The following CDH18 variants were observed in gnomAD, a reference collection of about 807,000 sequenced individuals.
CDH18 encodes the protein cadherin-18.
In CDH18, 31 loss-of-function variants were observed where a neutral mutation model predicts 67.9. The ratio of observed to expected loss-of-function variants is 0.46; its 90% CI spans 0.34 to 0.62. The LOEUF (loss-of-function observed/expected upper bound fraction) is 0.62, where lower values mean the gene tolerates loss of function less well. CDH18 is among the 20% of genes least tolerant of loss of function. The probability of loss-of-function intolerance (pLI) is 0.01; values close to 1 mark genes in which losing one functional copy is unlikely to be tolerated. For synonymous variants in CDH18, 362 were observed against 347.2 expected, an observed-to-expected ratio of 1.04 and a Z score of -0.48; for missense variants, 890 against 975.5, an observed-to-expected ratio of 0.91 and a Z score of 1.17.
chr5:20,412,501 A>C (rs1265890412), intron 1 of CDH18, among the ~76,000 whole-genome samples: 1 of 152,274 alleles, frequency 6.6e-6, no homozygotes, highest in African/African-American at 2.4e-5. Context: ...AAATTTGACA[A>C]ACAGGACTTA....
At chr5:19,473,824 CAG>C in intron 12 of CDH18, 108 bp from the exon 13 acceptor site, 1 of 912,522 alleles carries the variant, frequency 1.1e-6, no homozygotes, top group Non-Finnish European at 1.7e-6. Flanking sequence ...AACCACATTC[CAG>C]AGTTAGGCTG....
rs1159275923 is a variant in CDH18 at position 19,472,971 on chromosome 5, A to C, written c.*255T>G. 1 of 402,484 alleles carries C rather than the reference A, an allele frequency of 2.5e-6. No homozygotes were observed. Among genetic ancestry groups the C allele is most frequent in the African/African-American group, 2.0e-5 (1 of 49,818 alleles). The allele number at this position is 402,484 out of a possible 1,614,324, so 24.9% of individuals were successfully genotyped here. A position where few individuals can be genotyped will look rare whatever the true frequency, so the allele number is the denominator to read the frequency against. On this transcript the variant is annotated 3_prime_UTR_variant, in exon 13 of 13. Transcript: ENST00000382275. ...AGGTATTCTTAATAAACAGTACCAC[A>C]GACTTTATTGAGCAATTGAAAATAT...
At chr5:19,779,217 AT>A (rs1331289391) in intron 3 of CDH18, among the ~76,000 whole-genome samples, 16 of 152,178 alleles carry the variant, frequency 1.1e-4, no homozygotes, top group Non-Finnish European at 2.2e-4. Context: ...CACATTAAGG[AT>A]TCTACAATGT....
Position 19,994,710 on chromosome 5 carries a change from T to C in CDH18, c.-517-2696A>G, listed in dbSNP as rs541168237. Among the ~76,000 whole-genome samples the C allele has an allele frequency of 2.5e-3, 30 of 12,042 alleles. 2 individuals are homozygous for C. The highest frequency in any genetic ancestry group is 9.6e-3 in the African/African-American group (28 of 2,930). 7.9% of individuals were successfully genotyped at this position (12,042 alleles called of 152,430 possible). A position where few individuals can be genotyped will look rare whatever the true frequency, so the allele number is the denominator to read the frequency against. On this transcript the variant is annotated intron_variant, in intron 2 of 14. Coordinates refer to the CDH18 transcript ENST00000507958. ...ATGCTAACCTCTTCCAGTATATATA[T>C]ATATATATATATATATATATATATA...
chr5:20,019,326 T>A (rs1220135307), intron 2 of CDH18, among the ~76,000 whole-genome samples: 1 of 152,236 alleles, frequency 6.6e-6, no homozygotes, highest in East Asian at 1.9e-4. Flanking sequence ...GAGATCTGCA[T>A]ACTTTTTACG....
At chr5:19,777,425 A>G (rs1774523989) in intron 3 of CDH18, among the ~76,000 whole-genome samples, 2 of 152,234 alleles carry the variant, frequency 1.3e-5, no homozygotes, top group South Asian at 4.1e-4. Flanking sequence ...TGGGTAGGTT[A>G]GCAATTATAC....
intron 5 of CDH18, among the ~76,000 whole-genome samples, chr5:19,618,677 G>A (rs772050372): frequency 5.3e-5 from 8 of 151,980 alleles, no homozygotes; most frequent in Non-Finnish European, 1.5e-5. Flanking sequence ...TCACATCTTC[G>A]ACCTACTGAA....
chr5:19,657,939 C>T (rs1756625158), intron 5 of CDH18, among the ~76,000 whole-genome samples: 1 of 152,094 alleles, frequency 6.6e-6, no homozygotes, highest in Non-Finnish European at 1.5e-5. Context: ...CTTCAATGGA[C>T]AACTCTTAGT....
intron 2 of CDH18, among the ~76,000 whole-genome samples, chr5:20,176,316 A>G (rs545733246): frequency 6.6e-6 from 1 of 152,286 alleles, no homozygotes; most frequent in African/African-American, 2.4e-5. Flanking sequence ...AAAATAGTTC[A>G]TATTTCTGAT....
intron 1 of CDH18, among the ~76,000 whole-genome samples, chr5:20,545,308 TC>T (rs1201286170): frequency 3.9e-5 from 6 of 152,196 alleles, no homozygotes; most frequent in African/African-American, 1.4e-4. Context: ...ATGGTGGGCC[TC>T]TTCTCACAGT....
At chr5:19,761,867 C>G (rs1026827447) in intron 3 of CDH18, among the ~76,000 whole-genome samples, 1 of 152,174 alleles carries the variant, frequency 6.6e-6, no homozygotes, top group African/African-American at 2.4e-5. Context: ...GTAACCAAAA[C>G]AGCATGGTAC....
intron 2 of CDH18, among the ~76,000 whole-genome samples, chr5:20,187,498 A>G (rs1738192219): frequency 6.6e-6 from 1 of 151,828 alleles, no homozygotes; most frequent in Non-Finnish European, 1.5e-5. Flanking sequence ...CTGGGCTCCA[A>G]ATTTTACAAT....
chr5:19,694,330 T>C (rs536634546), intron 5 of CDH18, among the ~76,000 whole-genome samples: 3 of 152,154 alleles, frequency 2.0e-5, no homozygotes. Context: ...TCAAAATTTC[T>C]ATTAAGGGAC....
At chr5:20,219,951 A>G (rs1741092095) in intron 2 of CDH18, among the ~76,000 whole-genome samples, 1 of 151,972 alleles carries the variant, frequency 6.6e-6, no homozygotes, top group Non-Finnish European at 1.5e-5. Context: ...GAAAACTATA[A>G]AACATTAATG....
chr5:20,209,307 G>T (rs1310852768), intron 2 of CDH18, among the ~76,000 whole-genome samples: 1 of 152,070 alleles, frequency 6.6e-6, no homozygotes, highest in East Asian at 1.9e-4. Context: ...GAACTCTCAT[G>T]CTTATTGCAG....
intron 2 of CDH18, among the ~76,000 whole-genome samples, chr5:19,913,053 G>A (rs978111779): frequency 1.3e-5 from 2 of 151,984 alleles, no homozygotes; most frequent in Non-Finnish European, 2.9e-5. Flanking sequence ...CCATCACTGT[G>A]GAGAGAAAGA....
chr5:20,476,352 A>AG (rs1752441737), intron 1 of CDH18, among the ~76,000 whole-genome samples: 1 of 151,910 alleles, frequency 6.6e-6, no homozygotes, highest in African/African-American at 2.4e-5. Context: ...CATTTGAAAA[A>AG]AAAAAAGCCT....
In CDH18 at chr5:20,239,325, G is replaced by A. The variant is rs141491502; in HGVS notation, c.-518+16119C>T. Among the ~76,000 whole-genome samples the A allele has an allele frequency of 4.3e-3, 656 of 152,050 alleles. 2 individuals carry two copies. Among genetic ancestry groups the A allele is most frequent in the Non-Finnish European group, 7.5e-3 (508 of 67,960 alleles). On this transcript the variant is annotated intron_variant, in intron 2 of 14. Coordinates refer to the CDH18 transcript ENST00000507958. ...AAAAAAACTATCTGGGCGTGGTGGCGGATGCCTGTAGTCCCAGCTACTTGG... is the reference window on the plus strand; with the variant it reads ...AAAAAAACTATCTGGGCGTGGTGGCAGATGCCTGTAGTCCCAGCTACTTGG...
intron 2 of CDH18, among the ~76,000 whole-genome samples, chr5:20,150,904 T>TA (rs1196341513): frequency 6.6e-6 from 1 of 152,124 alleles, no homozygotes; most frequent in Non-Finnish European, 1.5e-5. Flanking sequence ...GTTATGCCTT[T>TA]AACTCTGCTA....
Sources: allele counts gnomAD v4.1 joint callset (sites outside exome capture counted in the v4.1 genomes callset), GRCh38; gene constraint gnomAD v4.1.1; transcripts MANE v1.5; gene names NCBI Gene and HGNC (gene_info 2026-07-23, HGNC 2026-07-21).